MCU: variants seen among roughly 807,000 people sequenced by gnomAD.
MCU encodes mitochondrial calcium uniporter.
Under a neutral mutation model 45.2 loss-of-function variants are expected in MCU, and 12 were observed. The observed-to-expected ratio is 0.27, with a 90% CI of 0.17 to 0.43. MCU has a LOEUF of 0.43. Among genes scored for constraint, MCU ranks in the 20% least tolerant of loss-of-function variants. MCU has a pLI of 1.00. For missense variants in MCU, 324 were observed against 436.7 expected (o/e 0.74, Z 2.30); for synonymous variants, 160 against 165.1 (o/e 0.97, Z 0.24).
intron 1 of MCU, among the ~76,000 whole-genome samples, chr10:72,783,878 A>C (rs983925741): frequency 1.2e-4 from 19 of 152,174 alleles, no homozygotes; most frequent in African/African-American, 4.6e-4. Context: ...CTTTTTAAAA[A>C]ATTGTTTTAC....
intron 1 of MCU, among the ~76,000 whole-genome samples, chr10:72,828,635 T>C (rs752244178): frequency 1.3e-4 from 20 of 152,106 alleles, no homozygotes; most frequent in Non-Finnish European, 2.8e-4. Context: ...TTTTGAACTA[T>C]GAAAGATGAA....
intron 4 of MCU, among the ~76,000 whole-genome samples, chr10:72,866,313 G>A (rs773249594): frequency 1.3e-5 from 2 of 152,086 alleles, no homozygotes; most frequent in South Asian, 2.1e-4. Flanking sequence ...CCTCTGCCCC[G>A]TGTTGCAACG....
chr10:72,702,163 A>C (rs765976425), intron 1 of MCU, among the ~76,000 whole-genome samples: 1 of 151,708 alleles, frequency 6.6e-6, no homozygotes, highest in African/African-American at 2.4e-5. Flanking sequence ...AGGCAGGAGA[A>C]TTGCTGGAAC....
At chr10:72,743,722 A>AGG (rs1371417601) in intron 1 of MCU, among the ~76,000 whole-genome samples, 2 of 152,194 alleles carry the variant, frequency 1.3e-5, no homozygotes, top group Admixed American at 1.3e-4. Context: ...TATCACCTAG[A>AGG]GGGGTGGATG....
At chr10:72,865,764 T>G (rs997823256) in intron 4 of MCU, among the ~76,000 whole-genome samples, 7 of 136,612 alleles carry the variant, frequency 5.1e-5, no homozygotes, top group African/African-American at 5.7e-5. Flanking sequence ...TGTGGTTTTG[T>G]TTTTTTTTTT....
intron 2 of MCU, among the ~76,000 whole-genome samples, chr10:72,842,952 A>T (rs1280683648): frequency 6.6e-6 from 1 of 152,008 alleles, no homozygotes; most frequent in Admixed American, 6.6e-5. Flanking sequence ...AAGTTCATCC[A>T]TAGCTTTATC....
intron 1 of MCU, among the ~76,000 whole-genome samples, chr10:72,724,875 A>C (rs1047053102): frequency 6.6e-6 from 1 of 152,216 alleles, no homozygotes; most frequent in East Asian, 1.9e-4. Flanking sequence ...TCATTGCACA[A>C]AATAAGCACT....
chr10:72,811,259 A>G (rs1022457301), intron 1 of MCU, among the ~76,000 whole-genome samples: 1 of 152,208 alleles, frequency 6.6e-6, no homozygotes. Context: ...GTTGTTTGAG[A>G]AAAAGGTTAT....
At chr10:72,869,134 A>G (rs1455047912) in intron 5 of MCU, among the ~76,000 whole-genome samples, 1 of 152,226 alleles carries the variant, frequency 6.6e-6, no homozygotes, top group Non-Finnish European at 1.5e-5. Context: ...TAAGATCAGA[A>G]TAACTGCTGA....
chr10:72,723,388 A>G (rs961113484), intron 1 of MCU, among the ~76,000 whole-genome samples: 3 of 152,266 alleles, frequency 2.0e-5, no homozygotes, highest in African/African-American at 7.2e-5. Context: ...TTTCTATGAT[A>G]AAAGTACTAA....
chr10:72,749,405 G>A (rs1272626550), intron 1 of MCU, among the ~76,000 whole-genome samples: 1 of 152,176 alleles, frequency 6.6e-6, no homozygotes, highest in African/African-American at 2.4e-5. Context: ...ATTTACTAGA[G>A]TGTGAAGCTA....
intron 2 of MCU, among the ~76,000 whole-genome samples, chr10:72,852,057 A>G (rs903791830): frequency 1.3e-5 from 2 of 151,920 alleles, no homozygotes; most frequent in South Asian, 2.1e-4. Context: ...TTTCAATTCA[A>G]CTCTCTCTAC....
At chr10:72,858,494 G>T (rs1400533255) in intron 2 of MCU, among the ~76,000 whole-genome samples, 1 of 152,124 alleles carries the variant, frequency 6.6e-6, no homozygotes, top group East Asian at 1.9e-4. Flanking sequence ...CTTCTGAAAG[G>T]GCTAGTTTCT....
chr10:72,860,297 G>A, intron 3 of MCU, 126 bp from the exon 4 acceptor site: 2 of 746,552 alleles, frequency 2.7e-6, no homozygotes, highest in Admixed American at 2.6e-5. Flanking sequence ...AGGAAATGAG[G>A]CAAAAAGTTA....
intron 6 of MCU, among the ~76,000 whole-genome samples, chr10:72,876,725 A>G (rs1845620543): frequency 6.6e-6 from 1 of 152,206 alleles, no homozygotes; most frequent in Non-Finnish European, 1.5e-5. Context: ...CACGATTTCC[A>G]TCAAATTCCA....
chr10:72,867,336 TTTTA>T (rs1484584907), intron 4 of MCU, among the ~76,000 whole-genome samples: 1 of 152,080 alleles, frequency 6.6e-6, no homozygotes, highest in African/African-American at 2.4e-5. Context: ...TCAGCAGAGT[TTTTA>T]TTTGATTCTG....
rs1845496391 is a variant in MCU, at chr10:72,868,737, T to C, written c.531T>C (p.Asn177=). Residue 177 remains asparagine (N), a synonymous_variant, in exon 5 of 8, where the codon AAT becomes AAC. Coordinates refer to ENST00000373053, the MANE Select transcript of MCU (RefSeq NM_138357.3). ...LLSHENAATL[N]DVKTLVQQLY... is the part of the protein sequence containing the mutation. ...GTCATGAAAATGCAGCAACGCTGAA[T>C]GATGTAAAGACATTGGTCCAGCAAC... 2 of 1,613,888 alleles carry C rather than the reference T, an allele frequency of 1.2e-6. No individual in the cohort carries two copies. Among genetic ancestry groups the C allele is most frequent in the Non-Finnish European group, 1.7e-6 (2 of 1,179,978 alleles).
intron 1 of MCU, among the ~76,000 whole-genome samples, chr10:72,737,583 G>A (rs537396618): frequency 1.1e-4 from 17 of 150,758 alleles, no homozygotes; most frequent in African/African-American, 2.7e-4. Context: ...GACATGGTGC[G>A]ATCTCAGCTC....
intron 3 of MCU, 52 bp from the exon 4 acceptor site, chr10:72,860,371 C>A: frequency 7.0e-7 from 1 of 1,429,736 alleles, no homozygotes; most frequent in Non-Finnish European, 9.7e-7. Context: ...TTTTCCTGAC[C>A]ATTCTTGAAT....
Sources: gnomAD v4.1 joint callset for allele counts (sites outside exome capture counted in the v4.1 genomes callset) on GRCh38, gnomAD v4.1.1 for gene constraint, MANE v1.5 for transcripts, NCBI Gene and HGNC (gene_info 2026-07-23, HGNC 2026-07-21) for gene names.